Variants in AKAP13 observed in about 807,000 individuals in gnomAD.
The protein encoded by AKAP13 is A-kinase anchor protein 13.
A neutral mutation model predicts 264.5 loss-of-function variants in AKAP13; 80 were observed. That is an observed-to-expected ratio of 0.30 (90% CI 0.25 to 0.36). AKAP13 has a LOEUF of 0.36. AKAP13 is among the 10% of genes least tolerant of loss of function. AKAP13 has a pLI of 1.00. For missense variants in AKAP13, 3,712 were observed against 3,435.2 expected (o/e 1.08, Z -2.01); for synonymous variants, 1,380 against 1,250.2 (o/e 1.10, Z -2.19).
At chr15:85,744,316 T>A (rs11636138) in intron 36 of AKAP13, 76,582 of 343,694 alleles carry the variant, frequency 0.22, 10,377 homozygotes, top group Middle Eastern at 0.39. Flanking sequence ...TACCACTTTT[T>A]CCCCTGAATC....
At chr15:85,457,298 T>C (rs367802705) in intron 1 of AKAP13, among the ~76,000 whole-genome samples, 16 of 152,360 alleles carry the variant, frequency 1.1e-4, no homozygotes, top group Non-Finnish European at 2.4e-4. Context: ...GGCAGCTTCT[T>C]TGGAAGATAA....
At chr15:85,460,513 A>C (rs1286509915) in intron 1 of AKAP13, among the ~76,000 whole-genome samples, 1 of 152,180 alleles carries the variant, frequency 6.6e-6, no homozygotes, top group East Asian at 1.9e-4. Flanking sequence ...GGTAGACAGG[A>C]TAATGGCCCC....
chr15:85,392,789 A>G (rs533493953), intron 1 of AKAP13, among the ~76,000 whole-genome samples: 2 of 152,284 alleles, frequency 1.3e-5, no homozygotes, highest in South Asian at 4.1e-4. Context: ...TCGTGGCACC[A>G]TTTTGTTGAA....
intron 5 of AKAP13, among the ~76,000 whole-genome samples, chr15:85,574,640 T>G (rs977326803): frequency 6.6e-6 from 1 of 152,240 alleles, no homozygotes; most frequent in South Asian, 2.1e-4. Context: ...TCAATAATCT[T>G]GAGGGTGTTT....
intron 10 of AKAP13, among the ~76,000 whole-genome samples, chr15:85,652,745 T>C (rs944383328): frequency 2.0e-5 from 3 of 152,200 alleles, no homozygotes; most frequent in African/African-American, 7.2e-5. Flanking sequence ...GCCTCTCTTC[T>C]AGTCTCTGGT....
chr15:85,501,002 T>A (rs894537905), intron 2 of AKAP13, among the ~76,000 whole-genome samples: 1 of 152,210 alleles, frequency 6.6e-6, no homozygotes, highest in Non-Finnish European at 1.5e-5. Context: ...CTTTTTTGGT[T>A]CATGGGACTA....
At chr15:85,504,528 A>AAAAAAAAAAAAG (rs2076142096) in intron 2 of AKAP13, among the ~76,000 whole-genome samples, 1 of 87,690 alleles carries the variant, frequency 1.1e-5, no homozygotes, top group African/African-American at 4.1e-5. Context: ...AAAAAAAAAA[A>AAAAAAAAAAAAG]AAAAAAAGAA....
chr15:85,744,828 A>G lies in AKAP13; in HGVS notation c.*151A>G. The G allele has an allele frequency of 1.6e-6, 1 of 628,424 alleles. No homozygotes were observed. 38.9% of individuals were successfully genotyped at this position (628,424 alleles called of 1,614,324 possible). A position where few individuals can be genotyped will look rare whatever the true frequency, so the allele number is the denominator to read the frequency against. ...CGGCCCCAGGTCCTGGACAATAAGC[A>G]ACAGATGATATTGAGTGTCGGGTGG... On this transcript the variant is annotated 3_prime_UTR_variant, in exon 37 of 37. Transcript: ENST00000394518.
rs183143285 is a variant in AKAP13 at position 85,642,584 on chromosome 15, G to T, written c.4237+3135G>T. ...CGTTAGGGGGTTATAATGGTTTACG[G>T]TCCCTCTCTCTCCATCTTAGCCCTT... On this transcript the variant is annotated intron_variant, in intron 9 of 36. Coordinates refer to ENST00000394518, the MANE Select transcript of AKAP13 (RefSeq NM_007200.5). Among the ~76,000 whole-genome samples the T allele has an allele frequency of 2.6e-5, 4 of 152,198 alleles. No homozygotes were observed. The East Asian group carries it at 7.7e-4, about 29-fold the overall frequency.
intron 30 of AKAP13, among the ~76,000 whole-genome samples, chr15:85,732,219 G>A (rs1320555745): frequency 6.6e-6 from 1 of 151,872 alleles, no homozygotes; most frequent in Non-Finnish European, 1.5e-5. Context: ...TAGTCTTTTA[G>A]AGCTACTGGT....
chr15:85,743,980 G>GC, intron 36 of AKAP13, 155 bp downstream of exon 36: 1 of 842,344 alleles, frequency 1.2e-6, no homozygotes, highest in Non-Finnish European at 1.8e-6. Flanking sequence ...CTTGCTAAGA[G>GC]CACTCATGCA....
chr15:85,676,605 G>T (rs2084242532), intron 14 of AKAP13, among the ~76,000 whole-genome samples: 1 of 152,172 alleles, frequency 6.6e-6, no homozygotes, highest in South Asian at 2.1e-4. Context: ...GCAGATCGTT[G>T]TTAAGAGGTG....
intron 8 of AKAP13, among the ~76,000 whole-genome samples, chr15:85,636,979 T>G (rs987513777): frequency 1.3e-5 from 2 of 152,200 alleles, no homozygotes; most frequent in Non-Finnish European, 2.9e-5. Flanking sequence ...AATAAACTGG[T>G]TTTTCAAGTG....
chr15:85,734,745 T>A (rs2088315754), intron 30 of AKAP13, among the ~76,000 whole-genome samples: 1 of 152,212 alleles, frequency 6.6e-6, no homozygotes, highest in Non-Finnish European at 1.5e-5. Flanking sequence ...TACTCTGCCT[T>A]CCCTGTACAC....
At chr15:85,538,084 C>G (rs1050327168) in intron 4 of AKAP13, among the ~76,000 whole-genome samples, 1 of 152,076 alleles carries the variant, frequency 6.6e-6, no homozygotes, top group Non-Finnish European at 1.5e-5. Flanking sequence ...CACTTAGTTT[C>G]TCAGCTCGGT....
chr15:85,471,581 G>C (rs1399377711), intron 1 of AKAP13, among the ~76,000 whole-genome samples: 1 of 152,200 alleles, frequency 6.6e-6, no homozygotes, highest in Non-Finnish European at 1.5e-5. Context: ...TAAGTGCTTA[G>C]GTCAGTTGGT....
Position 85,735,115 on chromosome 15 carries a change from G to C in AKAP13, c.7406G>C (p.Gly2469Ala). ...VSLPRRAETFGGFDSHQMNAS... is the reference protein window; with the variant it reads ...VSLPRRAETFAGFDSHQMNAS... Reference sequence around the variant, plus strand: ...CTGCCCCGGAGAGCAGAGACCTTTGGAGGATTTGACAGCCATCAGATGAAT... The same window carrying C: ...CTGCCCCGGAGAGCAGAGACCTTTGCAGGATTTGACAGCCATCAGATGAAT... Residue 2469 changes from glycine (G) to alanine (A), a missense_variant, in exon 31 of 37, where the codon GGA becomes GCA. This residue lies in a region of AKAP13 where 611 missense variants were observed against 539.3 expected (regional missense o/e 1.13). Transcript: ENST00000394518. The C allele has an allele frequency of 7.4e-6, 12 of 1,614,116 alleles. No individual in the cohort carries two copies. The highest frequency in any genetic ancestry group is 4.5e-5 in the East Asian group (2 of 44,878).
chr15:85,694,051 C>T (rs338556), intron 17 of AKAP13, among the ~76,000 whole-genome samples: 21,081 of 152,224 alleles, frequency 0.14, 2,049 homozygotes, highest in East Asian at 0.37. Context: ...TAAACCACTG[C>T]ACGTTTTAAA....
intron 5 of AKAP13, among the ~76,000 whole-genome samples, chr15:85,571,284 TA>T (rs1291078652): frequency 6.6e-6 from 1 of 152,228 alleles, no homozygotes; most frequent in Non-Finnish European, 1.5e-5. Context: ...TTTTACTTTT[TA>T]TTTTGCTTAT....
Sources: gnomAD v4.1 joint callset for allele counts (sites outside exome capture counted in the v4.1 genomes callset) on GRCh38, gnomAD v4.1.1 for gene constraint, gnomAD v4.1.1 regional missense constraint, MANE v1.5 for transcripts, NCBI Gene and HGNC (gene_info 2026-07-23, HGNC 2026-07-21) for gene names.